Variants in APBA2 observed in about 807,000 individuals in gnomAD.
APBA2 encodes amyloid beta precursor protein binding family A member 2, also known as amyloid-beta A4 precursor protein-binding family A member 2.
APBA2 carries 30 observed loss-of-function variants against 75.0 expected under a neutral mutation model. That is an observed-to-expected ratio of 0.40 (90% confidence interval 0.30 to 0.54). The LOEUF is 0.54. Among genes scored for constraint, APBA2 ranks in the 20% least tolerant of loss-of-function variants. The pLI is 0.49. For missense variants in APBA2, 801 were observed against 1,016.1 expected (o/e 0.79, Z 2.88); for synonymous variants, 444 against 409.6 (o/e 1.08, Z -1.01).
intron 1 of APBA2, among the ~76,000 whole-genome samples, chr15:28,905,832 G>C (rs949203138): frequency 2.0e-5 from 3 of 152,162 alleles, no homozygotes; most frequent in African/African-American, 4.8e-5. Flanking sequence ...TAACATGCTA[G>C]ATTTTAAGAT....
At chr15:28,894,944 C>T (rs960690920) in intron 1 of APBA2, among the ~76,000 whole-genome samples, 24 of 152,080 alleles carry the variant, frequency 1.6e-4, no homozygotes, top group Non-Finnish European at 3.5e-4. Flanking sequence ...AAGGCAGCTC[C>T]TGCGTCATTG....
chr15:28,927,235 G>A (rs1180114283), intron 2 of APBA2, among the ~76,000 whole-genome samples: 1 of 151,920 alleles, frequency 6.6e-6, no homozygotes, highest in East Asian at 1.9e-4. Flanking sequence ...CTATAGATAA[G>A]GTGTTTCCCT....
At chr15:29,015,262 G>A (rs1402578770) in intron 3 of APBA2, among the ~76,000 whole-genome samples, 2 of 152,338 alleles carry the variant, frequency 1.3e-5, no homozygotes, top group African/African-American at 4.8e-5. Context: ...CTTTTCCAGA[G>A]TGGATGTTGT....
intron 2 of APBA2, among the ~76,000 whole-genome samples, chr15:28,966,376 G>T (rs1039824705): frequency 6.6e-6 from 1 of 152,058 alleles, no homozygotes; most frequent in African/African-American, 2.4e-5. Flanking sequence ...TGTGGTCTGG[G>T]GGGTACGCAT....
intron 1 of APBA2, among the ~76,000 whole-genome samples, chr15:28,916,572 G>A (rs1321174509): frequency 4.3e-4 from 66 of 152,286 alleles, no homozygotes; most frequent in Non-Finnish European, 2.1e-4. Flanking sequence ...CCTTTGAGGG[G>A]TTTCCCCTTT....
At chr15:29,078,480 G>A (rs1164985356) in intron 6 of APBA2, among the ~76,000 whole-genome samples, 9 of 150,228 alleles carry the variant, frequency 6.0e-5, no homozygotes, top group African/African-American at 9.8e-5. Context: ...GCATGGTGGC[G>A]TGTGCCTGTA....
At chr15:29,056,949 C>T (rs1190793708) in intron 4 of APBA2, among the ~76,000 whole-genome samples, 1 of 151,944 alleles carries the variant, frequency 6.6e-6, no homozygotes, top group Non-Finnish European at 1.5e-5. Context: ...TTGGTGCTGC[C>T]TTGCTTGAAA....
chr15:29,110,331 T>A (rs572050043), intron 13 of APBA2, among the ~76,000 whole-genome samples: 4 of 152,174 alleles, frequency 2.6e-5, no homozygotes, highest in Admixed American at 2.0e-4. Flanking sequence ...TGCCCCTGCC[T>A]GGCTAAACCT....
chr15:28,901,888 C>T (rs1387563989), intron 1 of APBA2, among the ~76,000 whole-genome samples: 1 of 92,550 alleles, frequency 1.1e-5, no homozygotes, highest in Non-Finnish European at 2.1e-5. Context: ...AGCCTGGACC[C>T]TGCCCTCGGG....
intron 1 of APBA2, among the ~76,000 whole-genome samples, chr15:28,909,021 C>G: frequency 7.0e-6 from 1 of 142,746 alleles, no homozygotes; most frequent in African/African-American, 2.7e-5. Flanking sequence ...CTGTCTTGCT[C>G]TGTTGCCCAG....
intron 1 of APBA2, among the ~76,000 whole-genome samples, chr15:28,915,751 CA>C (rs2033661730): frequency 6.6e-6 from 1 of 150,502 alleles, no homozygotes; most frequent in Non-Finnish European, 1.5e-5. Context: ...CACACACACT[CA>C]ACTCTTCCAC....
chr15:29,052,586 C>G (rs2041655646), intron 3 of APBA2, among the ~76,000 whole-genome samples: 1 of 152,110 alleles, frequency 6.6e-6, no homozygotes, highest in African/African-American at 2.4e-5. Context: ...CCTCTAGCCT[C>G]TAGCCTCTGT....
At chr15:29,017,742 A>C (rs1366327644) in intron 3 of APBA2, among the ~76,000 whole-genome samples, 1 of 152,122 alleles carries the variant, frequency 6.6e-6, no homozygotes, top group African/African-American at 2.4e-5. Flanking sequence ...TGAAATGTTT[A>C]TGCTTGCTCT....
At chr15:29,043,068 G>A (rs1422438964) in intron 3 of APBA2, among the ~76,000 whole-genome samples, 1 of 152,144 alleles carries the variant, frequency 6.6e-6, no homozygotes, top group Non-Finnish European at 1.5e-5. Flanking sequence ...CTTACTGTTA[G>A]ACGTAACCCA....
chr15:29,116,134 C>T (rs1046584753), intron 14 of APBA2, among the ~76,000 whole-genome samples: 2 of 152,172 alleles, frequency 1.3e-5, no homozygotes, highest in Non-Finnish European at 2.9e-5. Flanking sequence ...CAAGGCGCGC[C>T]ACCCACACGG....
intron 13 of APBA2, among the ~76,000 whole-genome samples, chr15:29,113,353 G>C (rs914353060): frequency 6.6e-6 from 1 of 151,600 alleles, no homozygotes; most frequent in Non-Finnish European, 1.5e-5. Flanking sequence ...TCACTTGGCG[G>C]GGGGGGGATG....
chr15:29,038,963 C>T (rs765140473), intron 3 of APBA2, among the ~76,000 whole-genome samples: 6 of 152,078 alleles, frequency 3.9e-5, no homozygotes, highest in East Asian at 3.9e-4. Context: ...TGAGCCACTA[C>T]GCCTGGCGCA....
chr15:28,914,195 G>C (rs1428229618), intron 1 of APBA2, among the ~76,000 whole-genome samples: 2 of 152,176 alleles, frequency 1.3e-5, no homozygotes, highest in East Asian at 3.8e-4. Flanking sequence ...GAGAGGAGAG[G>C]GGAGTGGTCA....
intron 3 of APBA2, among the ~76,000 whole-genome samples, chr15:29,000,767 A>AT (rs1457138659): frequency 7.9e-5 from 12 of 151,828 alleles, no homozygotes; most frequent in African/African-American, 2.7e-4. Context: ...ATTTTTATGT[A>AT]TTGTTTTTAT....
Sources: allele counts gnomAD v4.1 joint callset (sites outside exome capture counted in the v4.1 genomes callset), GRCh38; gene constraint gnomAD v4.1.1; transcripts MANE v1.5; gene names NCBI Gene and HGNC (gene_info 2026-07-23, HGNC 2026-07-21).